Variants in LRP1B observed in about 807,000 individuals in gnomAD.
LRP1B encodes the protein low-density lipoprotein receptor-related protein 1B.
LRP1B carries 217 observed loss-of-function variants against 556.6 expected under a neutral mutation model. The ratio of observed to expected loss-of-function variants is 0.39; its 90% CI spans 0.35 to 0.44. The LOEUF (loss-of-function observed/expected upper bound fraction) is 0.44. Among genes scored for constraint, LRP1B ranks in the 20% least tolerant of loss-of-function variants. The pLI is 1.00. For synonymous variants in LRP1B, 2,047 were observed against 1,865.8 expected (o/e 1.10, Z -2.50); for missense variants, 5,053 against 5,620.8 (o/e 0.90, Z 3.23).
intron 41 of LRP1B, among the ~76,000 whole-genome samples, chr2:140,637,957 C>A (rs1411994930): frequency 2.6e-5 from 4 of 152,188 alleles, no homozygotes; most frequent in African/African-American, 9.6e-5. Flanking sequence ...TGACTTTACT[C>A]TTCTACAGAA....
At chr2:140,883,245 G>A (rs565518453) in intron 25 of LRP1B, among the ~76,000 whole-genome samples, 1 of 152,258 alleles carries the variant, frequency 6.6e-6, no homozygotes, top group South Asian at 2.1e-4. Context: ...AGTAACCTGA[G>A]TTACTCAACA....
At chr2:140,476,101 A>T (rs1165905283) in intron 59 of LRP1B, among the ~76,000 whole-genome samples, 2 of 152,198 alleles carry the variant, frequency 1.3e-5, no homozygotes, top group East Asian at 3.9e-4. Flanking sequence ...TAAATATTAC[A>T]CCCGATAAAA....
At chr2:141,436,426 G>T (rs192154521) in intron 3 of LRP1B, among the ~76,000 whole-genome samples, 108 of 152,258 alleles carry the variant, frequency 7.1e-4, no homozygotes, top group Non-Finnish European at 3.2e-4. Context: ...TGGGAAAAAT[G>T]GGAGAGATGT....
rs143296180 is a variant in LRP1B at position 140,716,075 on chromosome 2, A to C, written c.5921T>G (p.Phe1974Cys). 1 of 1,606,150 alleles carries C rather than the reference A, an allele frequency of 6.2e-7. No homozygotes were observed. The highest frequency in any genetic ancestry group is 8.5e-7 in the Non-Finnish European group (1 of 1,173,622). Residue 1974 changes from phenylalanine to cysteine, a missense_variant, in exon 37 of 91, where the codon TTC (phenylalanine) becomes TGC (cysteine). This residue lies in a region of LRP1B where 3,619 missense variants were observed against 3,931.9 expected (regional missense o/e 0.92). Transcript: ENST00000389484. ...GAGTCTTGCAACTTCAATTAAGTTG[A>C]AACCATGATCTGTCCAATATATGTT... ...AGNIYWTDHGFNLIEVARLNG... is the reference protein window; with the variant it reads ...AGNIYWTDHGCNLIEVARLNG...
At chr2:141,900,951 G>A (rs538402136) in intron 1 of LRP1B, among the ~76,000 whole-genome samples, 2 of 151,978 alleles carry the variant, frequency 1.3e-5, no homozygotes, top group Non-Finnish European at 2.9e-5. Context: ...GAGCGGACTT[G>A]CAGGGACATG....
At chr2:141,147,223 G>A (rs1701808020) in intron 7 of LRP1B, among the ~76,000 whole-genome samples, 1 of 152,070 alleles carries the variant, frequency 6.6e-6, no homozygotes, top group African/African-American at 2.4e-5. Flanking sequence ...GAGTGGCAAG[G>A]GCTTCCTGTG....
Position 140,427,224 on chromosome 2 carries a change from C to G in LRP1B, c.10414+15280G>C, listed in dbSNP as rs183634094. 4.6e-5 allele frequency among the ~76,000 whole-genome samples: 7 copies of G among 152,012 alleles called. 3 individuals are homozygous for G. Among genetic ancestry groups the G allele is most frequent in the African/African-American group, 1.7e-4 (7 of 41,462 alleles). On this transcript the variant is annotated intron_variant, in intron 66 of 90. Coordinates refer to ENST00000389484, the MANE Select transcript of LRP1B (RefSeq NM_018557.3). ...ATGTTCCATTGGTGTCTGATCTCCG[C>G]GAGGACGCCTGCCTTGATCATTCAC...
intron 41 of LRP1B, among the ~76,000 whole-genome samples, chr2:140,693,973 G>C (rs1008724636): frequency 6.6e-6 from 1 of 152,176 alleles, no homozygotes; most frequent in Non-Finnish European, 1.5e-5. Flanking sequence ...TCCCCAGAGT[G>C]CCGGGATTAC....
Position 142,031,336 on chromosome 2 carries a change from T to TTTTTTTTA in LRP1B, c.82+99311_82+99312insTAAAAAAA, listed in dbSNP as rs1553506189. 1.5e-4 allele frequency among the ~76,000 whole-genome samples: 20 copies of TTTTTTTTA among 137,232 alleles called. 1 individual carries two copies. The highest frequency in any genetic ancestry group is 2.6e-4 in the South Asian group (1 of 3,860). 90.0% of individuals were successfully genotyped at this position (137,232 alleles called of 152,430 possible). ...AGAAAGGTTGATTATACTTATTTTT[T>TTTTTTTTA]TTTTTTTTTTTTATTATACTCTAAG... On this transcript the variant is annotated intron_variant, in intron 1 of 90. Transcript: ENST00000389484.
intron 2 of LRP1B, among the ~76,000 whole-genome samples, chr2:141,760,521 A>C (rs1694504594): frequency 1.3e-5 from 2 of 152,196 alleles, no homozygotes; most frequent in African/African-American, 2.4e-5. Flanking sequence ...TGCTCAACAA[A>C]ATGTTATTTT....
At chr2:140,237,394 A>G (rs192874730) in intron 89 of LRP1B, among the ~76,000 whole-genome samples, 5 of 151,042 alleles carry the variant, frequency 3.3e-5, no homozygotes, top group Admixed American at 6.6e-5. Flanking sequence ...GTTGATGCAC[A>G]CTTAGGTTGA....
At chr2:141,718,548 A>G (rs1317916797) in intron 2 of LRP1B, among the ~76,000 whole-genome samples, 1 of 152,184 alleles carries the variant, frequency 6.6e-6, no homozygotes, top group Non-Finnish European at 1.5e-5. Context: ...ACTTAATGGC[A>G]TTTATTGAAA....
intron 2 of LRP1B, among the ~76,000 whole-genome samples, chr2:141,745,789 G>T (rs1484720701): frequency 6.6e-6 from 1 of 151,770 alleles, no homozygotes; most frequent in African/African-American, 2.4e-5. Flanking sequence ...CAATATGCTG[G>T]GTCTCACCTG....
At chr2:141,997,824 A>C (rs1347536014) in intron 1 of LRP1B, among the ~76,000 whole-genome samples, 2 of 151,850 alleles carry the variant, frequency 1.3e-5, no homozygotes, top group African/African-American at 4.8e-5. Context: ...AATAATTTCT[A>C]ATTGCCAGGG....
At position 140,600,767 on chromosome 2, in the gene LRP1B, G is replaced by GTTTTTTTTTTTTTTTTTTTTTTTTTT. The variant is rs61336155; in HGVS notation, c.6989+657_6989+682dup. On this transcript the variant is annotated intron_variant, in intron 42 of 90. Coordinates refer to ENST00000389484, the MANE Select transcript of LRP1B (RefSeq NM_018557.3). ...CCTTACCTGTGCTTTGTTCTTCGGG[G>GTTTTTTTTTTTTTTTTTTTTTTTTTT]TTTTTTTTTTTTTTTTTTTTTTTTT... is the stretch of plus-strand genomic sequence containing the variant. 1.8e-4 allele frequency among the ~76,000 whole-genome samples: 10 copies of GTTTTTTTTTTTTTTTTTTTTTTTTTT among 56,892 alleles called. 1 individual carries two copies. Among genetic ancestry groups the GTTTTTTTTTTTTTTTTTTTTTTTTTT allele is most frequent in the Non-Finnish European group, 2.7e-4 (8 of 29,572 alleles). 37.3% of individuals were successfully genotyped at this position (56,892 alleles called of 152,430 possible).
chr2:141,541,941 A>C (rs978681789), intron 2 of LRP1B, among the ~76,000 whole-genome samples: 1 of 152,054 alleles, frequency 6.6e-6, no homozygotes, highest in South Asian at 2.1e-4. Context: ...AGTCTCTGGA[A>C]ATTTTCTAGA....
chr2:142,072,591 TG>T (rs1443149774), intron 1 of LRP1B, among the ~76,000 whole-genome samples: 1 of 151,954 alleles, frequency 6.6e-6, no homozygotes, highest in African/African-American at 2.4e-5. Flanking sequence ...ATGAGATTTT[TG>T]TGATTTTTTT....
chr2:141,816,209 C>A (rs1160956078), intron 1 of LRP1B, among the ~76,000 whole-genome samples: 1 of 152,076 alleles, frequency 6.6e-6, no homozygotes, highest in Non-Finnish European at 1.5e-5. Context: ...AACTTGATTG[C>A]ATTGAAGGAT....
chr2:141,739,325 T>C (rs182599084), intron 2 of LRP1B, among the ~76,000 whole-genome samples: 3 of 152,058 alleles, frequency 2.0e-5, no homozygotes, highest in Admixed American at 6.6e-5. Flanking sequence ...CAAGAAGTAC[T>C]GAAAAACCAA....
Sources: allele counts gnomAD v4.1 joint callset (sites outside exome capture counted in the v4.1 genomes callset), GRCh38; gene constraint gnomAD v4.1.1; regional missense constraint gnomAD v4.1.1; transcripts MANE v1.5; gene names NCBI Gene and HGNC (gene_info 2026-07-23, HGNC 2026-07-21).